LRRC4C: variants seen among roughly 807,000 people sequenced by gnomAD.
The protein encoded by LRRC4C is leucine rich repeat containing 4C, also known as leucine-rich repeat-containing protein 4C.
LRRC4C carries 5 observed loss-of-function variants against 33.6 expected under a neutral mutation model. The observed-to-expected ratio is 0.15, with a 90% CI of 0.08 to 0.31. The LOEUF (loss-of-function observed/expected upper bound fraction) is 0.31, where lower values mean the gene tolerates loss of function less well. LRRC4C is among the 10% of genes least tolerant of loss of function. The pLI is 1.00. For missense variants in LRRC4C, 560 were observed against 796.7 expected, an observed-to-expected ratio of 0.70 and a Z score of 3.58; for synonymous variants, 329 against 302.0, an observed-to-expected ratio of 1.09 and a Z score of -0.93.
intron 6 of LRRC4C, among the ~76,000 whole-genome samples, chr11:40,121,336 T>C (rs1303475359): frequency 1.3e-5 from 2 of 152,218 alleles, no homozygotes; most frequent in African/African-American, 4.8e-5. Context: ...ACTTTAAGAA[T>C]TATAGCTGGT....
At chr11:40,737,217 T>C (rs561169698) in intron 2 of LRRC4C, among the ~76,000 whole-genome samples, 12 of 152,230 alleles carry the variant, frequency 7.9e-5, no homozygotes, top group Admixed American at 2.6e-4. Flanking sequence ...ATGGAATGTA[T>C]CTCAATATAA....
At chr11:41,238,594 T>C (rs75522002) in intron 1 of LRRC4C, among the ~76,000 whole-genome samples, 1,671 of 152,284 alleles carry the variant, frequency 0.011, 28 homozygotes, top group African/African-American at 0.037. Flanking sequence ...GCACAGATCC[T>C]CCTTTGCTTG....
intron 3 of LRRC4C, among the ~76,000 whole-genome samples, chr11:40,537,518 G>C (rs371611604): frequency 6.6e-6 from 1 of 152,144 alleles, no homozygotes; most frequent in Non-Finnish European, 1.5e-5. Context: ...GACAGGTAAA[G>C]TTCCAAAACA....
intron 1 of LRRC4C, among the ~76,000 whole-genome samples, chr11:40,949,603 A>G (rs2136698083): frequency 6.6e-6 from 1 of 152,244 alleles, no homozygotes; most frequent in South Asian, 2.1e-4. Flanking sequence ...AGAATTTCAT[A>G]TCCAGCCAAA....
At chr11:40,971,024 G>C (rs2136987750) in intron 1 of LRRC4C, among the ~76,000 whole-genome samples, 1 of 152,312 alleles carries the variant, frequency 6.6e-6, no homozygotes. Flanking sequence ...ACTGGGACTT[G>C]TATTTAAAGG....
intron 2 of LRRC4C, among the ~76,000 whole-genome samples, chr11:40,917,371 A>G (rs1488295143): frequency 6.6e-6 from 1 of 152,164 alleles, no homozygotes; most frequent in East Asian, 1.9e-4. Context: ...GCTCATCTGT[A>G]AAAGGGGCAG....
chr11:41,411,870 A>T (rs895386880), intron 1 of LRRC4C, among the ~76,000 whole-genome samples: 5 of 152,180 alleles, frequency 3.3e-5, no homozygotes, highest in African/African-American at 7.2e-5. Flanking sequence ...GCACCTTGTG[A>T]TGCAATGGAG....
intron 1 of LRRC4C, among the ~76,000 whole-genome samples, chr11:41,305,877 G>A (rs1007805372): frequency 1.6e-5 from 2 of 122,356 alleles, no homozygotes; most frequent in African/African-American, 5.7e-5. Flanking sequence ...CCCCCTCTGT[G>A]AGAAACACCC....
At position 40,143,345 on chromosome 11, in the gene LRRC4C, C is replaced by T. The variant is rs59122009; in HGVS notation, c.-95-2492G>A. ...ATGCTCAATGGCTTCTCGCAACACTCAGAGTAATATTAAAGTCCTAATGGC... is the reference window on the plus strand; with the variant it reads ...ATGCTCAATGGCTTCTCGCAACACTTAGAGTAATATTAAAGTCCTAATGGC... On this transcript the variant is annotated intron_variant, in intron 5 of 6. Coordinates refer to ENST00000528697, the MANE Select transcript of LRRC4C (RefSeq NM_001258419.2). Among the ~76,000 whole-genome samples the T allele has an allele frequency of 6.9e-3, 1,046 of 152,284 alleles. 12 individuals carry two copies. The highest frequency in any genetic ancestry group is 0.024 in the African/African-American group (1,004 of 41,554).
intron 6 of LRRC4C, among the ~76,000 whole-genome samples, chr11:40,140,513 T>A (rs1316457464): frequency 1.3e-5 from 2 of 152,002 alleles, no homozygotes; most frequent in Admixed American, 1.3e-4. Flanking sequence ...AGGTAAGTCA[T>A]CTCTCGAGTC....
chr11:41,275,928 C>T (rs1949469990), intron 1 of LRRC4C, among the ~76,000 whole-genome samples: 1 of 152,138 alleles, frequency 6.6e-6, no homozygotes, highest in South Asian at 2.1e-4. Context: ...TCTATAAACT[C>T]ACATGCTGAA....
chr11:40,576,502 T>C (rs910297306), intron 3 of LRRC4C, among the ~76,000 whole-genome samples: 1 of 152,222 alleles, frequency 6.6e-6, no homozygotes, highest in African/African-American at 2.4e-5. Flanking sequence ...ACTAACTAAC[T>C]GATCCCTGAA....
intron 3 of LRRC4C, among the ~76,000 whole-genome samples, chr11:40,577,156 G>A (rs1359974679): frequency 6.6e-6 from 1 of 152,116 alleles, no homozygotes; most frequent in African/African-American, 2.4e-5. Context: ...TGTGACACTA[G>A]GAGAGAAGGA....
chr11:40,186,121 C>G (rs969421697), intron 5 of LRRC4C, among the ~76,000 whole-genome samples: 1 of 152,214 alleles, frequency 6.6e-6, no homozygotes, highest in African/African-American at 2.4e-5. Flanking sequence ...ATTCTAGACT[C>G]TGGTTCTACC....
intron 2 of LRRC4C, among the ~76,000 whole-genome samples, chr11:40,739,696 G>T (rs188759290): frequency 1.3e-5 from 2 of 151,752 alleles, no homozygotes; most frequent in Admixed American, 6.6e-5. Flanking sequence ...TATCTGATAC[G>T]GTTATAAGCA....
intron 1 of LRRC4C, among the ~76,000 whole-genome samples, chr11:41,329,867 G>A (rs1165095221): frequency 6.6e-6 from 1 of 152,168 alleles, no homozygotes; most frequent in African/African-American, 2.4e-5. Context: ...TTGTGCCAAT[G>A]GTGCAGGACT....
chr11:40,576,204 C>T (rs1958185660), intron 3 of LRRC4C, among the ~76,000 whole-genome samples: 1 of 152,176 alleles, frequency 6.6e-6, no homozygotes, highest in South Asian at 2.1e-4. Context: ...CTAGCAATTG[C>T]TCACCTGGAT....
At position 41,018,480 on chromosome 11, in the gene LRRC4C, C is replaced by T. The variant is rs114499377; in HGVS notation, c.-495-84757G>A. On this transcript the variant is annotated intron_variant, in intron 1 of 6. Transcript: ENST00000528697. ...CAACCCAGCAGGTTGACTTACAACT[C>T]GTAATAGGACAGTGGGACTCTCATT... Among the ~76,000 whole-genome samples, 185 of 152,266 alleles carry T rather than the reference C, an allele frequency of 1.2e-3. 1 individual carries two copies. Among genetic ancestry groups the T allele is most frequent in the African/African-American group, 4.2e-3 (173 of 41,550 alleles).
chr11:40,171,178 T>C (rs1287918139), intron 5 of LRRC4C, among the ~76,000 whole-genome samples: 1 of 152,208 alleles, frequency 6.6e-6, no homozygotes, highest in Non-Finnish European at 1.5e-5. Context: ...CAAGGATTGC[T>C]TTAGGAATTT....
Sources: allele counts gnomAD v4.1 joint callset (sites outside exome capture counted in the v4.1 genomes callset), GRCh38; gene constraint gnomAD v4.1.1; transcripts MANE v1.5; gene names NCBI Gene and HGNC (gene_info 2026-07-23, HGNC 2026-07-21).